The following SPIRE2 variants were observed in gnomAD, a reference collection of about 807,000 sequenced individuals.
The protein encoded by SPIRE2 is spire type actin nucleation factor 2, also known as protein spire homolog 2.
A neutral mutation model predicts 80.7 loss-of-function variants in SPIRE2; 76 were observed. The ratio of observed to expected loss-of-function variants is 0.94; its 90% CI spans 0.78 to 1.14. The LOEUF (loss-of-function observed/expected upper bound fraction) is 1.14. Ranked by LOEUF, SPIRE2 falls within the 50% of genes most tolerant of loss-of-function variation. The pLI is 0.00. For synonymous variants in SPIRE2, 535 were observed against 432.6 expected (o/e 1.24, Z -2.94); for missense variants, 1,196 against 1,015.3 (o/e 1.18, Z -2.42).
chr16:89,834,053 C>T (rs1318840139), intron 1 of SPIRE2, among the ~76,000 whole-genome samples: 1 of 152,186 alleles, frequency 6.6e-6, no homozygotes, highest in Non-Finnish European at 1.5e-5. Context: ...CAGCAAGACT[C>T]TTCTCTTTAC....
chr16:89,844,170 A>G (rs1415923612), intron 1 of SPIRE2, among the ~76,000 whole-genome samples: 1 of 150,212 alleles, frequency 6.7e-6, no homozygotes, highest in Non-Finnish European at 1.5e-5. Context: ...TTATTTTTAT[A>G]TATTTTTTGA....
intron 7 of SPIRE2, among the ~76,000 whole-genome samples, chr16:89,858,029 C>G (rs1322720421): frequency 6.6e-6 from 1 of 151,894 alleles, no homozygotes; most frequent in Non-Finnish European, 1.5e-5. Flanking sequence ...ACTACAGGCG[C>G]GTGCCACCAC....
intron 2 of SPIRE2, chr16:89,845,779 A>G (rs2041553499): frequency 5.0e-6 from 3 of 596,056 alleles, no homozygotes; most frequent in Non-Finnish European, 9.0e-6. Flanking sequence ...ACCTCACCGC[A>G]GGGCAGGGCC....
chr16:89,837,056 A>G (rs1307599231), intron 1 of SPIRE2, among the ~76,000 whole-genome samples: 1 of 152,068 alleles, frequency 6.6e-6, no homozygotes, highest in African/African-American at 2.4e-5. Flanking sequence ...GGCCCCAGGA[A>G]TCTGTGTTTC....
rs2041360778 is a variant in SPIRE2 at position 89,829,691 on chromosome 16, A to T, written c.244+897A>T. ...CCCACCCAAGGGCCCTTGTTCCTTC[A>T]CCAGGTCCTGCTCATCCTGGAGCCC... On this transcript the variant is annotated intron_variant, in intron 1 of 14. Coordinates refer to ENST00000378247, the MANE Select transcript of SPIRE2 (RefSeq NM_032451.2). Among the ~76,000 whole-genome samples the T allele has an allele frequency of 6.5e-5, 9 of 139,290 alleles. 1 individual carries two copies. Among genetic ancestry groups the T allele is most frequent in the Non-Finnish European group, 1.2e-4 (7 of 58,568 alleles). The allele number at this position is 139,290 out of a possible 152,430, so 91.4% of individuals were successfully genotyped here.
chr16:89,856,204 G>A lies in SPIRE2; in HGVS notation c.1070G>A (p.Arg357His), dbSNP rs1237076315. 19 of 1,595,766 alleles carry A rather than the reference G, an allele frequency of 1.2e-5. No individual in the cohort carries two copies. Among genetic ancestry groups the A allele is most frequent in the Admixed American group, 5.3e-5 (3 of 56,766 alleles). Residue 357 changes from arginine to histidine, a missense_variant, in exon 7 of 15, where the codon CGC becomes CAC. By Grantham distance (29) the Arg-to-His change is conservative. Transcript: ENST00000378247. Reference sequence around the variant, plus strand: ...GAGATCAAGCAGGAGCGGAGGCTGCGCCCGGTGCGGGGCGAGGGCTGGGCT... The same window carrying A: ...GAGATCAAGCAGGAGCGGAGGCTGCACCCGGTGCGGGGCGAGGGCTGGGCT... ...LEEIKQERRL[R>H]PVRGEGWAAR...
At chr16:89,845,468 G>C in intron 2 of SPIRE2, 103 bp downstream of exon 2, 1 of 1,099,344 alleles carries the variant, frequency 9.1e-7, no homozygotes, top group Non-Finnish European at 1.4e-6. Context: ...GTTGTTTCAG[G>C]GAGGCAGGGT....
chr16:89,850,826 TG>T (rs146475545), intron 3 of SPIRE2, among the ~76,000 whole-genome samples, 166 bp downstream of exon 3: 16 of 149,298 alleles, frequency 1.1e-4, no homozygotes, highest in East Asian at 6.3e-4. Flanking sequence ...GCTTTCTTGT[TG>T]TTTTTTTGTT....
rs1567678317 is a variant in SPIRE2, at chr16:89,863,612, T to C, written c.1710+2T>C. 1 of 1,613,788 alleles carries C rather than the reference T, an allele frequency of 6.2e-7. No individual in the cohort carries two copies. The highest frequency in any genetic ancestry group is 8.5e-7 in the Non-Finnish European group (1 of 1,179,938). On this transcript the variant is annotated splice_donor_variant, in intron 11 of 14. Coordinates refer to ENST00000378247, the MANE Select transcript of SPIRE2 (RefSeq NM_032451.2). LOFTEE classifies it high-confidence loss of function. This position sits in a 1 kb window ranked among gnomAD's most constrained non-coding sequence, Gnocchi z 4.3. ...TTCAGCAGTCTGAAGAAGGGGAAGG[T>C]GAGGCTGCCTAGACGTGGGGCTACG...
chr16:89,832,720 G>A (rs1345273391), intron 1 of SPIRE2, among the ~76,000 whole-genome samples: 1 of 152,158 alleles, frequency 6.6e-6, no homozygotes, highest in East Asian at 1.9e-4. Flanking sequence ...CCCCTTACAG[G>A]TGGGCACATT....
chr16:89,859,324 C>T lies in SPIRE2; in HGVS notation c.1432C>T (p.His478Tyr). The change falls in exon 9 of 15, where the codon CAT becomes TAT. Residue 478 changes from histidine to tyrosine, a missense_variant. His to Tyr is a moderately conservative substitution (Grantham distance 83). Coordinates refer to ENST00000378247, the MANE Select transcript of SPIRE2 (RefSeq NM_032451.2). ...EPPRPRAGSA[H>Y]VWRPGSRDQG... ...ACCACGGCCCCGAGCTGGCAGTGCGCATGTGTGGAGGCCCGGCTCCCGAGA... is the reference window on the plus strand; with the variant it reads ...ACCACGGCCCCGAGCTGGCAGTGCGTATGTGTGGAGGCCCGGCTCCCGAGA... 6.3e-7 allele frequency: 1 copy of T among 1,586,844 alleles called. No individual in the cohort carries two copies. The highest frequency in any genetic ancestry group is 8.5e-7 in the Non-Finnish European group (1 of 1,172,012).
At chr16:89,832,040 G>A (rs955347132) in intron 1 of SPIRE2, among the ~76,000 whole-genome samples, 2 of 152,200 alleles carry the variant, frequency 1.3e-5, no homozygotes, top group Non-Finnish European at 2.9e-5. Context: ...TCCATCCCGC[G>A]CCGTGCTGAT....
chr16:89,833,015 G>C (rs2041402420), intron 1 of SPIRE2, among the ~76,000 whole-genome samples: 1 of 143,150 alleles, frequency 7.0e-6, no homozygotes, highest in African/African-American at 2.6e-5. Context: ...TTGTGAGACA[G>C]AGTTTCGCTC....
intron 1 of SPIRE2, among the ~76,000 whole-genome samples, chr16:89,830,169 T>C (rs531971897): frequency 1.5e-4 from 22 of 151,328 alleles, no homozygotes; most frequent in African/African-American, 3.9e-4. Flanking sequence ...CTGTTGGTGC[T>C]GTGCAAGGCG....
chr16:89,854,134 G>T lies in SPIRE2; in HGVS notation c.646-152G>T. 3 of 704,230 alleles carry T rather than the reference G, an allele frequency of 4.3e-6. No individual in the cohort carries two copies. In the South Asian group the frequency reaches 5.5e-5, roughly 13 times the overall value. The allele number at this position is 704,230 out of a possible 1,614,324, so 43.6% of individuals were successfully genotyped here. ...TCGGTTTCCCCAGATACCTTTTCGA[G>T]TCCTATGGCCTGGGCCAAAATGCCC... On this transcript the variant is annotated intron_variant, in intron 3 of 14. Transcript: ENST00000378247.
At chr16:89,868,682 A>C (rs1400731615) in intron 13 of SPIRE2, among the ~76,000 whole-genome samples, 1 of 151,962 alleles carries the variant, frequency 6.6e-6, no homozygotes, top group Non-Finnish European at 1.5e-5. Flanking sequence ...GTGAAACCCC[A>C]TCTCTACTAA....
chr16:89,845,743 C>T (rs951965548), intron 2 of SPIRE2: 1 of 617,690 alleles, frequency 1.6e-6, no homozygotes, highest in African/African-American at 1.8e-5. Flanking sequence ...ACCAGTGCCC[C>T]GAAACCCCAC....
rs1201196027 is a variant in SPIRE2, at chr16:89,870,681, G to A, written c.*409G>A. The A allele has an allele frequency of 1.1e-5, 2 of 179,342 alleles. No homozygotes were observed. The highest frequency in any genetic ancestry group is 1.4e-4 in the East Asian group (1 of 7,156). The allele number at this position is 179,342 out of a possible 1,614,324, so 11.1% of individuals were successfully genotyped here. A position where few individuals can be genotyped will look rare whatever the true frequency, so the allele number is the denominator to read the frequency against. On this transcript the variant is annotated 3_prime_UTR_variant, in exon 15 of 15. Transcript: ENST00000378247. ...GGACAGGGTATCTTGGCTCCCAGCT[G>A]GACCAGAGTGCCCTGCTTGCCTCTG...
rs2041347605 is a variant in SPIRE2, at chr16:89,828,561, CG to C, written c.14del (p.Gly5AlafsTer24). MAR[A>X]GSCGGAAAGA... ...GATGACGGCCCCGCCATGGCCCGGG[CG>C]GGCAGCTGCGGCGGCGCCGCGGCGG... On this transcript the variant is annotated frameshift_variant, in exon 1 of 15. Coordinates refer to ENST00000378247, the MANE Select transcript of SPIRE2 (RefSeq NM_032451.2). LOFTEE classifies it high-confidence loss of function. This position sits in a 1 kb window ranked among gnomAD's most constrained non-coding sequence, Gnocchi z 5.9. 8.8e-7 allele frequency: 1 copy of C among 1,135,014 alleles called. No individual in the cohort carries two copies. The highest frequency in any genetic ancestry group is 5.0e-5 in the Admixed American group (1 of 20,122). 70.3% of individuals were successfully genotyped at this position (1,135,014 alleles called of 1,614,324 possible).
Sources: gnomAD v4.1 joint callset for allele counts (sites outside exome capture counted in the v4.1 genomes callset) on GRCh38, gnomAD v4.1.1 for gene constraint, Gnocchi (gnomAD v3.1) non-coding constraint, MANE v1.5 for transcripts, NCBI Gene and HGNC (gene_info 2026-07-23, HGNC 2026-07-21) for gene names.